The following MYO1D variants were observed in gnomAD, a reference collection of about 807,000 sequenced individuals.
MYO1D encodes unconventional myosin-Id.
A neutral mutation model predicts 122.0 loss-of-function variants in MYO1D; 83 were observed. The observed-to-expected ratio is 0.68, with a 90% CI of 0.57 to 0.82. MYO1D has a LOEUF of 0.82. Among genes scored for constraint, MYO1D ranks in the 40% least tolerant of loss-of-function variants. The pLI is 0.00. For synonymous variants in MYO1D, 464 were observed against 446.9 expected, an observed-to-expected ratio of 1.04 and a Z score of -0.48; for missense variants, 1,157 against 1,269.5, an observed-to-expected ratio of 0.91 and a Z score of 1.35.
intron 1 of MYO1D, among the ~76,000 whole-genome samples, chr17:32,829,293 TCAGA>T (rs1222718881): frequency 2.0e-5 from 3 of 152,220 alleles, no homozygotes; most frequent in Admixed American, 6.5e-5. Context: ...TATCAGAACA[TCAGA>T]CAAAGTCATT....
chr17:32,648,426 G>C (rs1383169847), intron 19 of MYO1D, among the ~76,000 whole-genome samples: 1 of 152,102 alleles, frequency 6.6e-6, no homozygotes, highest in Non-Finnish European at 1.5e-5. Context: ...TATTTATTTA[G>C]TCTTAGTCCC....
At chr17:32,754,371 C>T (rs1048968090) in intron 11 of MYO1D, among the ~76,000 whole-genome samples, 3 of 152,160 alleles carry the variant, frequency 2.0e-5, no homozygotes, top group Non-Finnish European at 4.4e-5. Context: ...GAAGCAGTAC[C>T]TCTAACCCAA....
intron 13 of MYO1D, among the ~76,000 whole-genome samples, chr17:32,740,327 A>G (rs2089758406): frequency 6.6e-6 from 1 of 152,218 alleles, no homozygotes; most frequent in South Asian, 2.1e-4. Flanking sequence ...ACTGTTGGCC[A>G]TATTTGGAGA....
chr17:32,772,733 C>G, intron 5 of MYO1D, 56 bp downstream of exon 5: 1 of 1,403,588 alleles, frequency 7.1e-7, no homozygotes, highest in Admixed American at 1.7e-5. Flanking sequence ...GACACAAATA[C>G]TCATTTCCTG....
intron 13 of MYO1D, among the ~76,000 whole-genome samples, chr17:32,739,332 T>C (rs1434448306): frequency 1.3e-5 from 2 of 152,114 alleles, no homozygotes; most frequent in Non-Finnish European, 2.9e-5. Context: ...GATGAGTTCA[T>C]GTCCTTTGTA....
In MYO1D at chr17:32,712,214, C is replaced by G. The variant is rs919450067; in HGVS notation, c.1914-19G>C. ...CTTATACCTGGATGAAAAAAAGAAA[C>G]AGGGTTAAGGGAGAAAACCATATGG... On this transcript the variant is annotated intron_variant, in intron 15 of 21. Coordinates refer to ENST00000318217, the MANE Select transcript of MYO1D (RefSeq NM_015194.3). The G allele has an allele frequency of 6.3e-7, 1 of 1,597,636 alleles. No homozygotes were observed. The highest frequency in any genetic ancestry group is 1.3e-5 in the African/African-American group (1 of 74,620).
chr17:32,500,900 T>G (rs2150852635), intron 21 of MYO1D, among the ~76,000 whole-genome samples: 1 of 151,828 alleles, frequency 6.6e-6, no homozygotes, highest in East Asian at 1.9e-4. Flanking sequence ...TCCCAGCTAC[T>G]CGGGAGGCTG....
intron 1 of MYO1D, among the ~76,000 whole-genome samples, chr17:32,865,489 A>G (rs903723055): frequency 6.6e-6 from 1 of 152,162 alleles, no homozygotes; most frequent in African/African-American, 2.4e-5. Flanking sequence ...ATATGAGGAG[A>G]GGAGGAATAA....
chr17:32,853,200 C>T lies in MYO1D; in HGVS notation c.95+23578G>A, dbSNP rs532157561. ...AAAACCACGCCTCTGTGTCTCTCTT[C>T]CCACTTTCTCACTAGTCTCACTTGG... is the stretch of plus-strand genomic sequence containing the variant. On this transcript the variant is annotated intron_variant, in intron 1 of 21. Coordinates refer to ENST00000318217, the MANE Select transcript of MYO1D (RefSeq NM_015194.3). Among the ~76,000 whole-genome samples the T allele has an allele frequency of 8.5e-5, 13 of 152,326 alleles. No homozygotes were observed. In the East Asian group the frequency reaches 1.5e-3, roughly 18 times the overall value.
chr17:32,719,426 T>C (rs1047421420), intron 15 of MYO1D, among the ~76,000 whole-genome samples: 1 of 150,038 alleles, frequency 6.7e-6, no homozygotes, highest in Non-Finnish European at 1.5e-5. Context: ...CTTGGCTCAC[T>C]GCAAGCTCCG....
chr17:32,665,262 T>C (rs1156853615), intron 16 of MYO1D, among the ~76,000 whole-genome samples: 1 of 152,066 alleles, frequency 6.6e-6, no homozygotes, highest in Non-Finnish European at 1.5e-5. Context: ...CTTTTTCTTT[T>C]TCCCCCAGCA....
chr17:32,791,957 A>G (rs1034576284), intron 1 of MYO1D, among the ~76,000 whole-genome samples: 1 of 152,180 alleles, frequency 6.6e-6, no homozygotes, highest in Non-Finnish European at 1.5e-5. Flanking sequence ...TTTTGAATGA[A>G]TGGCAATTTT....
chr17:32,635,308 G>A (rs867188605), intron 20 of MYO1D, among the ~76,000 whole-genome samples: 8 of 152,298 alleles, frequency 5.3e-5, no homozygotes, highest in African/African-American at 1.7e-4. Context: ...GAGGCTAAAC[G>A]ATAGCAGGGT....
intron 1 of MYO1D, among the ~76,000 whole-genome samples, chr17:32,844,920 T>C (rs554196914): frequency 1.8e-4 from 28 of 152,150 alleles, no homozygotes; most frequent in African/African-American, 6.5e-4. Context: ...TAGAAATGTA[T>C]AGATATTTTA....
At chr17:32,642,228 A>G (rs1163760451) in intron 19 of MYO1D, among the ~76,000 whole-genome samples, 1 of 152,206 alleles carries the variant, frequency 6.6e-6, no homozygotes, top group South Asian at 2.1e-4. Flanking sequence ...TTTGTCAAAG[A>G]TCAGATAGTT....
intron 12 of MYO1D, among the ~76,000 whole-genome samples, chr17:32,748,409 CTT>C (rs2089862447): frequency 6.6e-6 from 1 of 152,060 alleles, no homozygotes; most frequent in South Asian, 2.1e-4. Context: ...GACTAACCCT[CTT>C]TTACTTTTAG....
intron 16 of MYO1D, among the ~76,000 whole-genome samples, chr17:32,681,615 G>A (rs574934397): frequency 4.1e-4 from 63 of 152,200 alleles, no homozygotes; most frequent in African/African-American, 1.4e-3. Context: ...TGGTCTGAGA[G>A]AAGTTTGTTA....
chr17:32,689,829 C>T (rs1197274950), intron 16 of MYO1D, among the ~76,000 whole-genome samples: 2 of 152,008 alleles, frequency 1.3e-5, no homozygotes, highest in South Asian at 2.1e-4. Context: ...AGCAATTCTC[C>T]TGCCTCAGCC....
At chr17:32,618,709 A>G (rs192626911) in intron 20 of MYO1D, among the ~76,000 whole-genome samples, 7 of 150,590 alleles carry the variant, frequency 4.6e-5, no homozygotes, top group Non-Finnish European at 8.8e-5. Context: ...ATCTCAGCTC[A>G]CTGCAACCTC....
Sources: gnomAD v4.1 joint callset for allele counts (sites outside exome capture counted in the v4.1 genomes callset) on GRCh38, gnomAD v4.1.1 for gene constraint, MANE v1.5 for transcripts, NCBI Gene and HGNC (gene_info 2026-07-23, HGNC 2026-07-21) for gene names.